MAP4K4: variants seen among roughly 807,000 people sequenced by gnomAD.
MAP4K4 encodes the protein mitogen-activated protein kinase kinase kinase kinase 4, also known as HPK/GCK-like kinase HGK.
Under a neutral mutation model 189.6 loss-of-function variants are expected in MAP4K4, and 38 were observed. That is an observed-to-expected ratio of 0.20 (90% CI 0.15 to 0.26). MAP4K4 has a LOEUF of 0.26. MAP4K4 is among the 10% of genes least tolerant of loss of function. MAP4K4 has a pLI of 1.00. For missense variants in MAP4K4, 1,054 were observed against 1,726.9 expected, an observed-to-expected ratio of 0.61 and a Z score of 6.91; for synonymous variants, 610 against 624.3, an observed-to-expected ratio of 0.98 and a Z score of 0.34.
intron 27 of MAP4K4, 73 bp from the exon 28 acceptor site, chr2:101,882,478 T>G: frequency 8.3e-7 from 1 of 1,201,062 alleles, no homozygotes; most frequent in East Asian, 2.6e-5. Context: ...TGATTTCTTT[T>G]GGTTACTATT....
chr2:101,734,260 A>G (rs2059560528), intron 2 of MAP4K4, among the ~76,000 whole-genome samples: 1 of 152,196 alleles, frequency 6.6e-6, no homozygotes, highest in South Asian at 2.1e-4. Flanking sequence ...AAATAATATA[A>G]TAACTTGATA....
chr2:101,722,820 A>G (rs1443134448), intron 2 of MAP4K4, among the ~76,000 whole-genome samples: 5 of 152,244 alleles, frequency 3.3e-5, no homozygotes, highest in Non-Finnish European at 7.3e-5. Flanking sequence ...TACGTTGTAC[A>G]TAATCACTCA....
At chr2:101,871,826 A>G (rs1039692110) in intron 24 of MAP4K4, 141 bp downstream of exon 24, 3 of 714,104 alleles carry the variant, frequency 4.2e-6, no homozygotes, top group South Asian at 4.1e-5. Context: ...CTTCTCCCCA[A>G]CCCCAAGTAA....
At position 101,874,013 on chromosome 2, in the gene MAP4K4, T is replaced by A. The variant is rs1577195355; in HGVS notation, c.3071-69T>A. 4 of 1,324,742 alleles carry A rather than the reference T, an allele frequency of 3.0e-6. No homozygotes were observed. In the East Asian group the frequency reaches 9.3e-5, roughly 31 times the overall value. The allele number at this position is 1,324,742 out of a possible 1,614,324, so 82.1% of individuals were successfully genotyped here. ...ACCACATGAATATTTACTTGAAGTA[T>A]ACTGGGGAAGGGAGGCAGGCATAGT... On this transcript the variant is annotated intron_variant, in intron 25 of 32. Coordinates refer to ENST00000324219, the Ensembl canonical transcript of MAP4K4.
intron 27 of MAP4K4, among the ~76,000 whole-genome samples, chr2:101,881,469 A>C (rs568675109): frequency 1.3e-5 from 2 of 152,334 alleles, no homozygotes; most frequent in Admixed American, 6.5e-5. Context: ...TCTTCTGTGA[A>C]GAAAGACAGT....
chr2:101,707,212 C>CTTTTTT (rs545502305), intron 2 of MAP4K4, among the ~76,000 whole-genome samples: 1 of 133,944 alleles, frequency 7.5e-6, no homozygotes. Flanking sequence ...TTTATTTTAT[C>CTTTTTT]TTTTTTTTTT....
intron 2 of MAP4K4, among the ~76,000 whole-genome samples, chr2:101,781,514 A>G (rs1318873879): frequency 2.0e-5 from 3 of 152,118 alleles, no homozygotes; most frequent in Non-Finnish European, 4.4e-5. Flanking sequence ...TTGCTGCATC[A>G]TAACGTGGAA....
chr2:101,748,595 GCCCA>G, intron 2 of MAP4K4, among the ~76,000 whole-genome samples: 1 of 152,148 alleles, frequency 6.6e-6, no homozygotes, highest in Non-Finnish European at 1.5e-5. Context: ...GATCTCTTGA[GCCCA>G]GGAGTTCGAG....
At chr2:101,768,049 A>G (rs1317902723) in intron 2 of MAP4K4, among the ~76,000 whole-genome samples, 2 of 152,046 alleles carry the variant, frequency 1.3e-5, no homozygotes, top group African/African-American at 2.4e-5. Flanking sequence ...TTTTTTCTTC[A>G]TTGTACTTAT....
intron 2 of MAP4K4, among the ~76,000 whole-genome samples, chr2:101,751,610 G>C (rs947451224): frequency 2.0e-5 from 3 of 152,232 alleles, no homozygotes; most frequent in African/African-American, 7.2e-5. Flanking sequence ...GCCTCTGCCT[G>C]ACCTCATGGA....
intron 3 of MAP4K4, among the ~76,000 whole-genome samples, chr2:101,792,597 T>TC (rs2093068247): frequency 8.3e-5 from 12 of 144,838 alleles, no homozygotes; most frequent in Non-Finnish European, 1.2e-4. Context: ...TTCTCCTCCT[T>TC]CTCCTCCTCC....
intron 3 of MAP4K4, among the ~76,000 whole-genome samples, chr2:101,792,627 C>CCTCCTTCTTCTTT (rs1409824368): frequency 7.1e-6 from 1 of 141,548 alleles, no homozygotes; most frequent in South Asian, 2.2e-4. Context: ...TCCTCCTCCT[C>CCTCCTTCTTCTTT]CTTCTTCTTT....
chr2:101,811,864 G>A (rs2095450725), intron 3 of MAP4K4, among the ~76,000 whole-genome samples: 1 of 152,132 alleles, frequency 6.6e-6, no homozygotes. Flanking sequence ...GTTGGAGCTG[G>A]ATAAGTTGGG....
At chr2:101,834,210 A>C (rs1364089185) in intron 7 of MAP4K4, among the ~76,000 whole-genome samples, 199 bp from the exon 8 acceptor site, 12 of 58,822 alleles carry the variant, frequency 2.0e-4, no homozygotes, top group Admixed American at 4.9e-4. Flanking sequence ...CCATCCCTCC[A>C]TCCCTCCATC....
chr2:101,737,837 C>T (rs557485984), intron 2 of MAP4K4, among the ~76,000 whole-genome samples: 1 of 152,132 alleles, frequency 6.6e-6, no homozygotes, highest in Admixed American at 6.5e-5. Flanking sequence ...TTCTCCCTCA[C>T]TTAGGCTCCT....
chr2:101,844,223 G>A (rs532710355), exon 12 of MAP4K4: 49 of 1,597,934 alleles, frequency 3.1e-5, no homozygotes, highest in East Asian at 6.8e-5. Flanking sequence ...CAACAGCTCC[G>A]GGAGCAGGAA....
intron 2 of MAP4K4, among the ~76,000 whole-genome samples, chr2:101,770,240 A>ATTTTT (rs34574782): frequency 6.4e-4 from 48 of 75,154 alleles, no homozygotes; most frequent in Non-Finnish European, 1.0e-3. Flanking sequence ...GTTCATTCTG[A>ATTTTT]TTTTTTTTTT....
At chr2:101,783,281 G>A (rs200546656) in intron 2 of MAP4K4, among the ~76,000 whole-genome samples, 1 of 149,552 alleles carries the variant, frequency 6.7e-6, no homozygotes, top group African/African-American at 2.5e-5. Context: ...TGTTTTTCTG[G>A]AAAAAAAAAA....
chr2:101,820,156 C>A (rs1216851702), intron 3 of MAP4K4, among the ~76,000 whole-genome samples: 1 of 152,112 alleles, frequency 6.6e-6, no homozygotes, highest in African/African-American at 2.4e-5. Context: ...ATAAATGGAA[C>A]CTAGTCGAAT....
Sources: allele counts gnomAD v4.1 joint callset (sites outside exome capture counted in the v4.1 genomes callset), GRCh38; gene constraint gnomAD v4.1.1; transcripts MANE v1.5; gene names NCBI Gene and HGNC (gene_info 2026-07-23, HGNC 2026-07-21).